PSEN1: variants seen among roughly 807,000 people sequenced by gnomAD.
The protein encoded by PSEN1 is presenilin 1.
PSEN1 carries 15 observed loss-of-function variants against 53.5 expected under a neutral mutation model. The observed-to-expected ratio is 0.28, with a 90% CI of 0.19 to 0.43. PSEN1 has a LOEUF of 0.43. Among genes scored for constraint, PSEN1 ranks in the 20% least tolerant of loss-of-function variants. The pLI, the probability that PSEN1 is intolerant of heterozygous loss-of-function variation, is 1.00. For synonymous variants in PSEN1, 208 were observed against 209.8 expected (o/e 0.99, Z 0.08); for missense variants, 387 against 571.2 (o/e 0.68, Z 3.29).
At chr14:73,171,401 C>G (rs924765437) in intron 4 of PSEN1, among the ~76,000 whole-genome samples, 3 of 152,116 alleles carry the variant, frequency 2.0e-5, no homozygotes, top group African/African-American at 7.2e-5. Context: ...TCCTGTCATC[C>G]CCCTCCTCTT....
chr14:73,219,132 A>G lies in PSEN1; in HGVS notation c.1249-2A>G. 6.2e-7 allele frequency: 1 copy of G among 1,613,902 alleles called. No individual in the cohort carries two copies. Among genetic ancestry groups the G allele is most frequent in the Non-Finnish European group, 8.5e-7 (1 of 1,179,768 alleles). On this transcript the variant is annotated splice_acceptor_variant, in intron 11 of 11. Coordinates refer to ENST00000324501, the MANE Select transcript of PSEN1 (RefSeq NM_000021.4). LOFTEE classifies it high-confidence loss of function. ...TGTGTGTCTTTCCCATCTTCTCCACAGGGTTTGTGCCTTACATTATTACTC... is the reference window on the plus strand; with the variant it reads ...TGTGTGTCTTTCCCATCTTCTCCACGGGGTTTGTGCCTTACATTATTACTC...
At chr14:73,193,415 T>G (rs574525529) in intron 7 of PSEN1, among the ~76,000 whole-genome samples, 101 of 151,638 alleles carry the variant, frequency 6.7e-4, no homozygotes, top group Non-Finnish European at 1.2e-3. Context: ...TGTGGTGGCG[T>G]ACCCTTGTAT....
chr14:73,218,668 C>T (rs959457331), intron 11 of PSEN1, among the ~76,000 whole-genome samples: 3 of 150,722 alleles, frequency 2.0e-5, no homozygotes, highest in African/African-American at 7.4e-5. Context: ...TGCTCCCGCA[C>T]AGCATAGAGA....
At chr14:73,138,488 C>G (rs1429614740) in intron 1 of PSEN1, among the ~76,000 whole-genome samples, 3 of 147,454 alleles carry the variant, frequency 2.0e-5, no homozygotes, top group African/African-American at 7.5e-5. Context: ...CAGAGTGCTG[C>G]GATTACAGGC....
At chr14:73,138,755 T>TCGAGA in intron 1 of PSEN1, among the ~76,000 whole-genome samples, 1 of 144,730 alleles carries the variant, frequency 6.9e-6, no homozygotes, top group African/African-American at 2.6e-5. Flanking sequence ...GGTCAGGAGA[T>TCGAGA]CGAGACATCC....
In PSEN1 at chr14:73,160,680, G is replaced by C. The variant is rs534272069; in HGVS notation, c.88-10117G>C. Among the ~76,000 whole-genome samples, 5 of 151,896 alleles carry C rather than the reference G, an allele frequency of 3.3e-5. No individual in the cohort carries two copies. In the South Asian group the frequency reaches 1.0e-3, roughly 32 times the overall value. ...TTTCCCCCCATATTACACAGATGTA[G>C]AGCATCTTTTCATGTGCTTGTTGGC... On this transcript the variant is annotated intron_variant, in intron 3 of 11. Transcript: ENST00000324501.
At chr14:73,137,495 G>A (rs1431498609) in intron 1 of PSEN1, among the ~76,000 whole-genome samples, 1 of 152,218 alleles carries the variant, frequency 6.6e-6, no homozygotes, top group Non-Finnish European at 1.5e-5. Flanking sequence ...GCTGAAAACA[G>A]GAATCAATTC....
chr14:73,184,826 G>A (rs1396378890), intron 5 of PSEN1, among the ~76,000 whole-genome samples: 73 of 146,328 alleles, frequency 5.0e-4, no homozygotes, highest in Middle Eastern at 3.7e-3. Context: ...GCTGCCGGGC[G>A]GAGGGGCTCC....
chr14:73,161,355 T>C (rs1483965787), intron 3 of PSEN1, among the ~76,000 whole-genome samples: 5 of 152,088 alleles, frequency 3.3e-5, no homozygotes, highest in African/African-American at 1.2e-4. Context: ...AGAAATTTGG[T>C]GTAGGCCCAT....
chr14:73,209,035 C>T (rs754180265), intron 9 of PSEN1: 65 of 346,972 alleles, frequency 1.9e-4, no homozygotes, highest in East Asian at 2.5e-4. Context: ...CCCGCACACC[C>T]GGCCAGGTCA....
At chr14:73,171,407 C>G (rs1478306864) in intron 4 of PSEN1, among the ~76,000 whole-genome samples, 3 of 152,166 alleles carry the variant, frequency 2.0e-5, no homozygotes, top group Non-Finnish European at 4.4e-5. Flanking sequence ...CATCCCCCTC[C>G]TCTTGGTGTT....
At chr14:73,195,577 CA>C (rs1220531087) in intron 7 of PSEN1, among the ~76,000 whole-genome samples, 17 of 152,154 alleles carry the variant, frequency 1.1e-4, no homozygotes, top group African/African-American at 3.9e-4. Flanking sequence ...ACACTTAGAA[CA>C]ATGTCTATCA....
intron 8 of PSEN1, among the ~76,000 whole-genome samples, chr14:73,202,462 ATTTTTTTTTTT>A (rs1166113102): frequency 8.7e-5 from 1 of 11,528 alleles, no homozygotes; most frequent in Admixed American, 1.9e-3. Context: ...ATATATATAT[ATTTTTTTTTTT>A]TTTTTTTTTT....
chr14:73,141,763 C>T (rs1417562562), intron 1 of PSEN1, among the ~76,000 whole-genome samples: 3 of 151,690 alleles, frequency 2.0e-5, no homozygotes, highest in Admixed American at 6.6e-5. Flanking sequence ...CCAGCCTGGG[C>T]GACAAGAGTG....
intron 3 of PSEN1, among the ~76,000 whole-genome samples, chr14:73,148,407 T>C (rs1897129884): frequency 6.6e-6 from 1 of 152,222 alleles, no homozygotes. Flanking sequence ...CTCTTATTCT[T>C]CTACGGCTGA....
chr14:73,167,976 C>T lies in PSEN1; in HGVS notation c.88-2821C>T, dbSNP rs749054041. ...CACCCTTAAACCTGGAACTGCAACC[C>T]TAAGTGAAAACAGCTAACCCCATTT... On this transcript the variant is annotated intron_variant, in intron 3 of 11. Transcript: ENST00000324501. The T allele has an allele frequency of 2.5e-4, 38 of 152,148 alleles. 1 individual carries two copies. Among genetic ancestry groups the T allele is most frequent in the Non-Finnish European group, 4.7e-4 (32 of 68,076 alleles). The allele number at this position is 152,148 out of a possible 1,614,324, so 9.4% of individuals were successfully genotyped here. A position where few individuals can be genotyped will look rare whatever the true frequency, so the allele number is the denominator to read the frequency against.
intron 3 of PSEN1, among the ~76,000 whole-genome samples, chr14:73,161,976 G>A (rs1324548035): frequency 3.0e-5 from 4 of 132,078 alleles, no homozygotes; most frequent in South Asian, 2.4e-4. Flanking sequence ...CTAACATGGC[G>A]AAACCCCGTT....
At chr14:73,140,175 C>A (rs1375456873) in intron 1 of PSEN1, among the ~76,000 whole-genome samples, 1 of 144,318 alleles carries the variant, frequency 6.9e-6, no homozygotes, top group African/African-American at 2.5e-5. Context: ...AATCCGAAAA[C>A]TAAAAGGTTT....
intron 6 of PSEN1, 30 bp from the exon 7 acceptor site, chr14:73,192,614 T>A (rs1229857916): frequency 4.1e-6 from 6 of 1,447,470 alleles, no homozygotes; most frequent in Admixed American, 1.7e-5. Context: ...TTATTGTACA[T>A]CTTTTAAAAT....
Sources: gnomAD v4.1 joint callset for allele counts (sites outside exome capture counted in the v4.1 genomes callset) on GRCh38, gnomAD v4.1.1 for gene constraint, MANE v1.5 for transcripts, NCBI Gene and HGNC (gene_info 2026-07-23, HGNC 2026-07-21) for gene names.